Variants in FER1L6 observed in about 807,000 individuals in gnomAD.
The protein encoded by FER1L6 is fer-1-like protein 6.
Under a neutral mutation model 219.2 loss-of-function variants are expected in FER1L6, and 177 were observed. The ratio of observed to expected loss-of-function variants is 0.81; its 90% CI spans 0.71 to 0.91. The LOEUF is 0.91. Ranked by LOEUF, FER1L6 falls within the 40% of genes least tolerant of loss-of-function variation. FER1L6 has a pLI of 0.00. For synonymous variants in FER1L6, 768 were observed against 824.3 expected (o/e 0.93, Z 1.17); for missense variants, 2,153 against 2,259.9 (o/e 0.95, Z 0.96).
At chr8:123,870,979 G>T (rs1273137605) in intron 1 of FER1L6, among the ~76,000 whole-genome samples, 1 of 152,170 alleles carries the variant, frequency 6.6e-6, no homozygotes, top group African/African-American at 2.4e-5. Flanking sequence ...TGTTTCCCAT[G>T]GAGGTATGTG....
intron 1 of FER1L6, among the ~76,000 whole-genome samples, chr8:123,928,518 T>C (rs1218084214): frequency 2.0e-5 from 3 of 152,180 alleles, no homozygotes; most frequent in African/African-American, 7.2e-5. Flanking sequence ...CATCCTCCAG[T>C]TCCCAGTGGG....
intron 17 of FER1L6, among the ~76,000 whole-genome samples, chr8:124,021,904 G>A (rs529468369): frequency 6.6e-4 from 101 of 152,118 alleles, no homozygotes; most frequent in African/African-American, 2.2e-3. Context: ...AGGCACATTC[G>A]CTAATGGGCT....
rs1554608009 is a variant in FER1L6 at position 123,856,316 on chromosome 8, G to GTATATATATATATA, written c.-8+4151_-8+4164dup. ...TGTATATATATATATATATGTATGT[G>GTATATATATATATA]TATATATATATATATATATATATAT... On this transcript the variant is annotated intron_variant, in intron 1 of 40. Coordinates refer to ENST00000522917, the MANE Select transcript of FER1L6 (RefSeq NM_001039112.2). Among the ~76,000 whole-genome samples, 86 of 45,084 alleles carry GTATATATATATATA rather than the reference G, an allele frequency of 1.9e-3. 4 individuals carry two copies. The highest frequency in any genetic ancestry group is 4.6e-3 in the African/African-American group (53 of 11,508). The allele number at this position is 45,084 out of a possible 152,430, so 29.6% of individuals were successfully genotyped here. A position where few individuals can be genotyped will look rare whatever the true frequency, so the allele number is the denominator to read the frequency against.
At chr8:124,071,271 C>T (rs1416967398) in intron 30 of FER1L6, among the ~76,000 whole-genome samples, 1 of 152,186 alleles carries the variant, frequency 6.6e-6, no homozygotes, top group Non-Finnish European at 1.5e-5. Flanking sequence ...CTTCATATAA[C>T]AGTCCTGTGA....
intron 1 of FER1L6, among the ~76,000 whole-genome samples, chr8:123,953,176 T>C (rs893278648): frequency 1.3e-5 from 2 of 152,150 alleles, no homozygotes; most frequent in African/African-American, 4.8e-5. Flanking sequence ...AAGAAACCTT[T>C]TCATGCTGGG....
chr8:124,064,664 A>G, intron 26 of FER1L6, 91 bp downstream of exon 26: 1 of 1,089,982 alleles, frequency 9.2e-7, no homozygotes, highest in African/African-American at 1.6e-5. Context: ...CAGTGTGACC[A>G]TGGGCAAGCA....
chr8:123,970,973 G>A (rs1444078187), intron 6 of FER1L6, among the ~76,000 whole-genome samples: 9 of 152,192 alleles, frequency 5.9e-5, no homozygotes. Context: ...TGGCTGGAGA[G>A]TAAGTTTCTC....
intron 2 of FER1L6, among the ~76,000 whole-genome samples, chr8:123,962,624 T>A (rs1186935600): frequency 6.6e-5 from 10 of 152,104 alleles, no homozygotes. Context: ...TTTATTTCTG[T>A]TTTTTATTTT....
At chr8:124,009,501 G>A (rs929404866) in intron 13 of FER1L6, among the ~76,000 whole-genome samples, 29 of 151,888 alleles carry the variant, frequency 1.9e-4, no homozygotes, top group Non-Finnish European at 4.4e-5. Context: ...CAGAGGAGCC[G>A]GTGCTGCTAT....
At chr8:124,015,571 C>CTATATATATATATATATATATA (rs781161909) in intron 15 of FER1L6, among the ~76,000 whole-genome samples, 2 of 43,222 alleles carry the variant, frequency 4.6e-5, no homozygotes, top group African/African-American at 5.5e-5. Flanking sequence ...ATTATAAAAG[C>CTATATATATATATATATATATA]TATATATATA....
Position 123,986,170 on chromosome 8 carries a change from T to G in FER1L6, c.1513T>G (p.Ser505Ala), listed in dbSNP as rs373873876. ...AGATAAACCCATCAGCTTTGAAGTT[T>G]CTATTGGTAAGTACAGATAAGCACA... ...IGDKPISFEVSIGNFGNLIDG... is the reference protein window; with the variant it reads ...IGDKPISFEVAIGNFGNLIDG... Residue 505 changes from serine to alanine, a missense_variant, in exon 12 of 41, where the codon TCT becomes GCT. Transcript: ENST00000522917. 2.1e-5 allele frequency: 33 copies of G among 1,596,556 alleles called. No homozygotes were observed. In the African/African-American group the frequency reaches 4.2e-4, roughly 20 times the overall value.
chr8:124,006,178 G>A (rs1471574709), intron 13 of FER1L6, among the ~76,000 whole-genome samples: 1 of 152,168 alleles, frequency 6.6e-6, no homozygotes, highest in East Asian at 1.9e-4. Context: ...TTTGCACTGG[G>A]GCCAGGCAGT....
At chr8:124,075,210 T>G (rs1258368541) in intron 31 of FER1L6, among the ~76,000 whole-genome samples, 1 of 152,268 alleles carries the variant, frequency 6.6e-6, no homozygotes, top group Non-Finnish European at 1.5e-5. Flanking sequence ...CAAAACAACA[T>G]TTAGCTTAAA....
At chr8:123,892,968 A>C (rs886981795) in intron 1 of FER1L6, among the ~76,000 whole-genome samples, 5 of 152,292 alleles carry the variant, frequency 3.3e-5, no homozygotes, top group Admixed American at 3.3e-4. Flanking sequence ...AGATGTGGTA[A>C]TATGCATTCC....
chr8:123,898,136 A>G (rs1812776431), intron 1 of FER1L6, among the ~76,000 whole-genome samples: 1 of 152,152 alleles, frequency 6.6e-6, no homozygotes, highest in Non-Finnish European at 1.5e-5. Context: ...TAAGTGTAAA[A>G]ATAAAAAATC....
chr8:123,867,071 C>A (rs993450755), intron 1 of FER1L6, among the ~76,000 whole-genome samples: 1 of 152,154 alleles, frequency 6.6e-6, no homozygotes, highest in African/African-American at 2.4e-5. Context: ...TATTTTGATG[C>A]AATCTCATTT....
chr8:123,955,532 G>C (rs1022738266), intron 1 of FER1L6, among the ~76,000 whole-genome samples: 1 of 152,206 alleles, frequency 6.6e-6, no homozygotes, highest in African/African-American at 2.4e-5. Context: ...AATCAGGCAG[G>C]CCTGGGATCC....
Position 123,948,773 on chromosome 8 carries a change from T to G in FER1L6, c.-7-7219T>G, listed in dbSNP as rs141656068. Among the ~76,000 whole-genome samples, 514 of 145,408 alleles carry G rather than the reference T, an allele frequency of 3.5e-3. 3 individuals are homozygous for G. The highest frequency in any genetic ancestry group is 0.012 in the African/African-American group (488 of 41,086). ...TTAAATAGACGGGAAATAGCAGGCATCTTGTCTTTTTTTTTTTTTAAATAT... is the reference window on the plus strand; with the variant it reads ...TTAAATAGACGGGAAATAGCAGGCAGCTTGTCTTTTTTTTTTTTTAAATAT... On this transcript the variant is annotated intron_variant, in intron 1 of 40. Coordinates refer to ENST00000522917, the MANE Select transcript of FER1L6 (RefSeq NM_001039112.2).
intron 16 of FER1L6, among the ~76,000 whole-genome samples, chr8:124,018,689 C>T (rs1329179321): frequency 6.6e-6 from 1 of 152,164 alleles, no homozygotes; most frequent in Non-Finnish European, 1.5e-5. Context: ...CTAGGTCTCC[C>T]TCCTCATCTC....
Sources: allele counts gnomAD v4.1 joint callset (sites outside exome capture counted in the v4.1 genomes callset), GRCh38; gene constraint gnomAD v4.1.1; transcripts MANE v1.5; gene names NCBI Gene and HGNC (gene_info 2026-07-23, HGNC 2026-07-21).